GHSR: variants seen among roughly 807,000 people sequenced by gnomAD.
The protein encoded by GHSR is growth hormone secretagogue receptor.
A neutral mutation model predicts 24.0 loss-of-function variants in GHSR; 17 were observed. The observed-to-expected ratio is 0.71, with a 90% CI of 0.49 to 1.06. GHSR has a LOEUF of 1.06. Among genes scored for constraint, GHSR ranks in the 50% least tolerant of loss-of-function variants. The probability of loss-of-function intolerance (pLI) is 0.00; values close to 1 mark genes in which losing one functional copy is unlikely to be tolerated. For synonymous variants in GHSR, 238 were observed against 208.1 expected (o/e 1.14, Z -1.24); for missense variants, 504 against 483.1 (o/e 1.04, Z -0.41).
At chr3:172,446,752 T>C (rs987760408) in intron 1 of GHSR, among the ~76,000 whole-genome samples, 1 of 152,258 alleles carries the variant, frequency 6.6e-6, no homozygotes, top group Admixed American at 6.5e-5. Flanking sequence ...AATCCAGTTA[T>C]GACATTGTGC....
chr3:172,445,058 G>C lies in GHSR; in HGVS notation c.*103C>G, dbSNP rs1737424921. On this transcript the variant is annotated 3_prime_UTR_variant, in exon 2 of 2. Transcript: ENST00000241256. ...CTCCCAGATGTTTCTGGATCTATGT[G>C]TTCCTAATTCCAAAATTAACCTTCA... The C allele has an allele frequency of 8.6e-6, 11 of 1,280,214 alleles. No individual in the cohort carries two copies. The South Asian group carries it at 1.3e-4, about 15-fold the overall frequency. 79.3% of individuals were successfully genotyped at this position (1,280,214 alleles called of 1,614,324 possible).
rs200633078 is a variant in GHSR at position 172,445,213 on chromosome 3, G to T, written c.1049C>A (p.Thr350Asn). 2 of 1,614,134 alleles carry T rather than the reference G, an allele frequency of 1.2e-6. No individual in the cohort carries two copies. Among genetic ancestry groups the T allele is most frequent in the East Asian group, 4.5e-5 (2 of 44,888 alleles). The change falls in exon 2 of 2, where the codon ACT becomes AAT. Residue 350 changes from threonine to asparagine, a missense_variant. Physicochemically the swap from Thr to Asn is moderately conservative, Grantham distance 65. Coordinates refer to ENST00000241256, the MANE Select transcript of GHSR (RefSeq NM_198407.2). ...GGCCCGAGAACTTTCATCTTTCAGAGTGGAGAGCTTTCTCTGGGAGAAGGG... is the reference window on the plus strand; with the variant it reads ...GGCCCGAGAACTTTCATCTTTCAGATTGGAGAGCTTTCTCTGGGAGAAGGG... Reference protein sequence around the residue: ...FEPFSQRKLSTLKDESSRAWT... With the variant: ...FEPFSQRKLSNLKDESSRAWT...
intron 1 of GHSR, 82 bp from the exon 2 acceptor site, chr3:172,445,547 T>C: frequency 7.2e-7 from 1 of 1,385,516 alleles, no homozygotes; most frequent in East Asian, 2.5e-5. Flanking sequence ...TTTGTTTTTG[T>C]TTCATGGTCT....
At position 172,448,187 on chromosome 3, in the gene GHSR, G is replaced by A; in HGVS notation, c.227C>T (p.Thr76Ile). 6.2e-7 allele frequency: 1 copy of A among 1,614,216 alleles called. No individual in the cohort carries two copies. The highest frequency in any genetic ancestry group is 8.5e-7 in the Non-Finnish European group (1 of 1,180,038). The change falls in exon 1 of 2, where the codon ACC (threonine) becomes ATC (isoleucine). Residue 76 changes from threonine (T) to isoleucine (I), a missense_variant. Physicochemically the swap from Thr to Ile is moderately conservative, Grantham distance 89. Coordinates refer to ENST00000241256, the MANE Select transcript of GHSR (RefSeq NM_198407.2). This position sits in a 1 kb window ranked among gnomAD's most constrained non-coding sequence, Gnocchi z 4.8. Reference protein sequence around the residue: ...LVVSRFRELRTTTNLYLSSMA... With the variant: ...LVVSRFRELRITTNLYLSSMA... ...GCTGGACAGGTAGAGGTTGGTGGTG[G>A]TGCGCAGCTCGCGGAAGCGCGACAC...
chr3:172,447,367 A>G (rs1737487327), intron 1 of GHSR: 2 of 316,802 alleles, frequency 6.3e-6, no homozygotes, highest in Non-Finnish European at 9.0e-6. Context: ...TAAGAAAGAC[A>G]CTGACAAAGT....
chr3:172,447,552 A>C, intron 1 of GHSR, 66 bp downstream of exon 1: 1 of 1,592,686 alleles, frequency 6.3e-7, no homozygotes, highest in Non-Finnish European at 8.6e-7. Context: ...ACTCAGAGAG[A>C]AGGGAGAAGG....
rs147543947 is a variant in GHSR at position 172,443,398 on chromosome 3, A to G, written c.*1763T>C. 3.9e-5 allele frequency among the ~76,000 whole-genome samples: 6 copies of G among 152,132 alleles called. No homozygotes were observed. Among genetic ancestry groups the G allele is most frequent in the Admixed American group, 3.3e-4 (5 of 15,268 alleles). ...TTTAGTGTCAGAACGAATCTCAGAAATATTTTTCTAGAGAAATGATTCTAA... is the reference window on the plus strand; with the variant it reads ...TTTAGTGTCAGAACGAATCTCAGAAGTATTTTTCTAGAGAAATGATTCTAA... On this transcript the variant is annotated 3_prime_UTR_variant, in exon 2 of 2. Coordinates refer to ENST00000241256, the MANE Select transcript of GHSR (RefSeq NM_198407.2).
Position 172,444,677 on chromosome 3 carries a change from C to G in GHSR, c.*484G>C, listed in dbSNP as rs1737416952. Among the ~76,000 whole-genome samples the G allele has an allele frequency of 6.6e-6, 1 of 152,170 alleles. No individual in the cohort carries two copies. The highest frequency in any genetic ancestry group is 2.4e-5 in the African/African-American group (1 of 41,442). The stretch of plus-strand genomic sequence containing the variant: ...AAATTCCTTTTTAATAATTTTTGTA[C>G]TGATTGCTCACGTGCCTCATGTTAT... On this transcript the variant is annotated 3_prime_UTR_variant, in exon 2 of 2. Transcript: ENST00000241256.
chr3:172,447,069 A>T (rs1264558316), intron 1 of GHSR, among the ~76,000 whole-genome samples: 2 of 152,244 alleles, frequency 1.3e-5, no homozygotes, highest in African/African-American at 2.4e-5. Flanking sequence ...AGGATTATCC[A>T]AATTGATCAT....
In GHSR at chr3:172,447,476, CAG is replaced by C. The variant is rs1037875445; in HGVS notation, c.796+140_796+141del. On this transcript the variant is annotated intron_variant, in intron 1 of 1. Coordinates refer to ENST00000241256, the MANE Select transcript of GHSR (RefSeq NM_198407.2). ...GAGGAGAGAATAATTGAGAGAAACGCAGAGAGACAGAGGCCCAGAGAAACTGA... is the reference window on the plus strand; with the variant it reads ...GAGGAGAGAATAATTGAGAGAAACGCAGAGACAGAGGCCCAGAGAAACTGA... The C allele has an allele frequency of 2.7e-6, 4 of 1,497,654 alleles. No individual in the cohort carries two copies. In the African/African-American group the frequency reaches 4.2e-5, roughly 16 times the overall value. 92.8% of individuals were successfully genotyped at this position (1,497,654 alleles called of 1,614,324 possible).
rs201995656 is a variant in GHSR at position 172,445,292 on chromosome 3, T to C, written c.970A>G (p.Asn324Asp). The change falls in exon 2 of 2, where the codon AAC becomes GAC. Residue 324 changes from asparagine (N) to aspartate (D), a missense_variant. Asn to Asp is a conservative substitution (Grantham distance 23). Transcript: ENST00000241256. The stretch of plus-strand genomic sequence containing the variant: ...ACCCGGTACTTCTTGGACATGATGT[T>C]GTACAGAATGGGGTTGATGGCAGCA... ...LSAAINPILY[N>D]IMSKKYRVAV... 1.5e-5 allele frequency: 25 copies of C among 1,614,120 alleles called. No individual in the cohort carries two copies. The South Asian group carries it at 2.7e-4, about 18-fold the overall frequency.
chr3:172,447,517 G>C, intron 1 of GHSR, 101 bp downstream of exon 1: 1 of 1,543,202 alleles, frequency 6.5e-7, no homozygotes, highest in Non-Finnish European at 8.7e-7. Flanking sequence ...AAGAGGTAGC[G>C]ACTCAGGGGG....
Position 172,444,064 on chromosome 3 carries a change from T to A in GHSR, c.*1097A>T, listed in dbSNP as rs79483527. Among the ~76,000 whole-genome samples, 402 of 152,292 alleles carry A rather than the reference T, an allele frequency of 2.6e-3. 3 individuals are homozygous for A. Among genetic ancestry groups the A allele is most frequent in the African/African-American group, 9.1e-3 (378 of 41,574 alleles). On this transcript the variant is annotated 3_prime_UTR_variant, in exon 2 of 2. Transcript: ENST00000241256. ...TTATAATTGACTTCAAAATTTTTGTTAAGCCATATGAGGCAGTTTGTGATT... is the reference window on the plus strand; with the variant it reads ...TTATAATTGACTTCAAAATTTTTGTAAAGCCATATGAGGCAGTTTGTGATT...
intron 1 of GHSR, among the ~76,000 whole-genome samples, chr3:172,445,690 T>A (rs928714395): frequency 4.6e-5 from 7 of 152,238 alleles, no homozygotes; most frequent in African/African-American, 1.7e-4. Context: ...TTAACAACTA[T>A]CTGAGTGATT....
Position 172,445,383 on chromosome 3 carries a change from GC to G in GHSR, c.878del (p.Gly293AlafsTer59), listed in dbSNP as rs1324810142. ...GGCTGATCTGAGCAATCTCCAAGGA[GC>G]CAGGCTCAAAGGATTTGGAAAATAA... ...RYLFSKSFEP[G>X]SLEIAQISQY... On this transcript the variant is annotated frameshift_variant, in exon 2 of 2. Coordinates refer to ENST00000241256, the MANE Select transcript of GHSR (RefSeq NM_198407.2). LOFTEE classifies it high-confidence loss of function. The G allele has an allele frequency of 7.4e-6, 12 of 1,614,178 alleles. No homozygotes were observed. The highest frequency in any genetic ancestry group is 1.1e-5 in the South Asian group (1 of 91,084).
At chr3:172,445,641 A>G (rs1269465901) in intron 1 of GHSR, 176 bp from the exon 2 acceptor site, 1 of 224,934 alleles carries the variant, frequency 4.4e-6, no homozygotes, top group East Asian at 1.8e-4. Context: ...CTGGACCAAC[A>G]GTTCAACAAT....
Position 172,444,117 on chromosome 3 carries a change from T to A in GHSR, c.*1044A>T, listed in dbSNP as rs1737401741. Among the ~76,000 whole-genome samples the A allele has an allele frequency of 6.6e-6, 1 of 152,314 alleles. No individual in the cohort carries two copies. Among genetic ancestry groups the A allele is most frequent in the South Asian group, 2.1e-4 (1 of 4,834 alleles). On this transcript the variant is annotated 3_prime_UTR_variant, in exon 2 of 2. Coordinates refer to ENST00000241256, the MANE Select transcript of GHSR (RefSeq NM_198407.2). ...CCATAATTGTTTTAAAAAGTTTCAT[T>A]TCCTGAATATTAACACATGCAACTC...
intron 1 of GHSR, among the ~76,000 whole-genome samples, chr3:172,446,947 T>C (rs1477466535): frequency 1.3e-5 from 2 of 152,204 alleles, no homozygotes; most frequent in Non-Finnish European, 2.9e-5. Context: ...ACTGACTTCC[T>C]TACAAAGCTG....
In GHSR at chr3:172,444,714, A is replaced by C. The variant is rs1010026134; in HGVS notation, c.*447T>G. 1.3e-5 allele frequency among the ~76,000 whole-genome samples: 2 copies of C among 152,192 alleles called. No homozygotes were observed. Among genetic ancestry groups the C allele is most frequent in the Admixed American group, 6.5e-5 (1 of 15,284 alleles). On this transcript the variant is annotated 3_prime_UTR_variant, in exon 2 of 2. Coordinates refer to ENST00000241256, the MANE Select transcript of GHSR (RefSeq NM_198407.2). ...GTGCCTCATGTTATATTTCTCTTGG[A>C]TAGCACTGCTCTAGAGCTTTATGAA...
Sources: allele counts gnomAD v4.1 joint callset (sites outside exome capture counted in the v4.1 genomes callset), GRCh38; gene constraint gnomAD v4.1.1; non-coding constraint Gnocchi (gnomAD v3.1); transcripts MANE v1.5; gene names NCBI Gene and HGNC (gene_info 2026-07-23, HGNC 2026-07-21).